Variants in PITPNM2 observed in about 807,000 individuals in gnomAD.
PITPNM2 encodes membrane-associated phosphatidylinositol transfer protein 2.
A neutral mutation model predicts 132.2 loss-of-function variants in PITPNM2; 35 were observed. The observed-to-expected ratio is 0.26, with a 90% confidence interval of 0.20 to 0.35. The LOEUF (loss-of-function observed/expected upper bound fraction) is 0.35. Among genes scored for constraint, PITPNM2 ranks in the 10% least tolerant of loss-of-function variants. The pLI is 1.00. For missense variants in PITPNM2, 1,332 were observed against 1,912.0 expected (o/e 0.70, Z 5.66); for synonymous variants, 738 against 799.2 (o/e 0.92, Z 1.29).
chr12:123,072,640 G>A (rs1346850015), intron 2 of PITPNM2, among the ~76,000 whole-genome samples: 2 of 152,214 alleles, frequency 1.3e-5, no homozygotes, highest in African/African-American at 4.8e-5. Flanking sequence ...TGGGACCCCA[G>A]ACTCTCAGAC....
intron 3 of PITPNM2, chr12:123,021,850 TG>T: frequency 6.2e-6 from 2 of 320,188 alleles, no homozygotes; most frequent in Non-Finnish European, 9.0e-6. Context: ...TCTCCCCATC[TG>T]TAAGAGGAGG....
At chr12:123,033,245 C>T in intron 3 of PITPNM2, among the ~76,000 whole-genome samples, 1 of 152,234 alleles carries the variant, frequency 6.6e-6, no homozygotes. Context: ...GGTTCATAAT[C>T]AGTGTGGGAA....
At chr12:123,144,869 T>C (rs1216464877) in intron 1 of PITPNM2, among the ~76,000 whole-genome samples, 1 of 152,214 alleles carries the variant, frequency 6.6e-6, no homozygotes, top group East Asian at 1.9e-4. Flanking sequence ...CCGATCTCTT[T>C]TAACAGAAAC....
intron 10 of PITPNM2, among the ~76,000 whole-genome samples, chr12:122,999,931 G>A (rs2038586399): frequency 6.6e-6 from 1 of 152,184 alleles, no homozygotes; most frequent in Non-Finnish European, 1.5e-5. Flanking sequence ...GCTGCAGGTG[G>A]GGAAAGGGAT....
chr12:123,001,007 CT>C, intron 9 of PITPNM2, 46 bp downstream of exon 9: 1 of 1,580,212 alleles, frequency 6.3e-7, no homozygotes, highest in Non-Finnish European at 8.7e-7. Context: ...GGCTGAAGCC[CT>C]GCAACCGCCC....
chr12:123,025,113 T>C (rs1284830347), intron 3 of PITPNM2, among the ~76,000 whole-genome samples: 1 of 152,172 alleles, frequency 6.6e-6, no homozygotes, highest in Non-Finnish European at 1.5e-5. Flanking sequence ...AACCTCATGT[T>C]TGAGGCAGTG....
chr12:123,021,667 G>A (rs1008522006), intron 3 of PITPNM2: 12 of 985,078 alleles, frequency 1.2e-5, no homozygotes, highest in Non-Finnish European at 1.2e-5. Flanking sequence ...GAGGATGTGG[G>A]GCATGGAGTT....
In PITPNM2 at chr12:122,994,382, C is replaced by T. The variant is rs541446940; in HGVS notation, c.2233+419G>A. ...CCTGCCTGCCCTGGGTAGACAGAGA[C>T]GCACAGCTGTGGCCCCTCCAGGGCT... On this transcript the variant is annotated intron_variant, in intron 15 of 25. Transcript: ENST00000320201. This position sits in a 1 kb window ranked among gnomAD's most constrained non-coding sequence, Gnocchi z 5.4. 2.9e-3 allele frequency among the ~76,000 whole-genome samples: 437 copies of T among 152,296 alleles called. 2 individuals are homozygous for T. The highest frequency in any genetic ancestry group is 1.0e-2 in the African/African-American group (415 of 41,554).
intron 3 of PITPNM2, among the ~76,000 whole-genome samples, chr12:123,027,710 G>A (rs769592943): frequency 5.3e-5 from 8 of 152,250 alleles, no homozygotes; most frequent in Non-Finnish European, 1.0e-4. Flanking sequence ...GGGACCCCCT[G>A]TATAGCACTT....
Position 123,098,326 on chromosome 12 carries a change from G to A in PITPNM2, c.-96+12059C>T, listed in dbSNP as rs1444312320. Among the ~76,000 whole-genome samples the A allele has an allele frequency of 3.3e-5, 5 of 152,252 alleles. No homozygotes were observed. In the East Asian group the frequency reaches 5.8e-4, roughly 18 times the overall value. On this transcript the variant is annotated intron_variant, in intron 2 of 25. Coordinates refer to ENST00000320201, the MANE Select transcript of PITPNM2 (RefSeq NM_020845.3). ...GCCAGATGTAAGTCAGGACCAGGACGGGGAGCTAGACATCTAGGCAGGATG... is the reference window on the plus strand; with the variant it reads ...GCCAGATGTAAGTCAGGACCAGGACAGGGAGCTAGACATCTAGGCAGGATG...
chr12:123,131,149 G>A (rs1299082695), intron 1 of PITPNM2, among the ~76,000 whole-genome samples: 2 of 152,176 alleles, frequency 1.3e-5, no homozygotes, highest in African/African-American at 4.8e-5. Context: ...AACTCAGAAT[G>A]TGACTTTACT....
chr12:123,092,964 TA>T (rs2042309937), intron 2 of PITPNM2: 1 of 152,224 alleles, frequency 6.6e-6, no homozygotes, highest in Admixed American at 6.5e-5. Flanking sequence ...AAGCACCCTT[TA>T]AAAATGCACT....
rs574570084 is a variant in PITPNM2 at position 123,131,518 on chromosome 12, T to C, written c.-200+19235A>G. Among the ~76,000 whole-genome samples the C allele has an allele frequency of 1.1e-4, 16 of 152,340 alleles. No homozygotes were observed. The East Asian group carries it at 2.3e-3, about 22-fold the overall frequency. On this transcript the variant is annotated intron_variant, in intron 1 of 25. Transcript: ENST00000320201. ...GCCATCCAGTTGTGGTGGGTTGTTATGGCAGCCCTAGGGAATTAACACAGA... is the reference window on the plus strand; with the variant it reads ...GCCATCCAGTTGTGGTGGGTTGTTACGGCAGCCCTAGGGAATTAACACAGA...
chr12:123,079,477 G>A (rs767811547), intron 2 of PITPNM2, among the ~76,000 whole-genome samples: 2 of 142,474 alleles, frequency 1.4e-5, no homozygotes, highest in Non-Finnish European at 3.0e-5. Flanking sequence ...AGCCCAAGTA[G>A]CTGGGATTAT....
At chr12:123,124,615 C>G (rs997359991) in intron 1 of PITPNM2, among the ~76,000 whole-genome samples, 3 of 152,064 alleles carry the variant, frequency 2.0e-5, no homozygotes, top group African/African-American at 7.2e-5. Flanking sequence ...GGTATATGCA[C>G]AACGTGCAGG....
At position 123,034,341 on chromosome 12, in the gene PITPNM2, C is replaced by T. The variant is rs2040199333; in HGVS notation, c.78+172G>A. On this transcript the variant is annotated intron_variant, in intron 3 of 25. Transcript: ENST00000320201. ...CCGTGCGCCCATGGTGTGCTCTGTG[C>T]GCCTGGCATCGTGCCTAGAGGCCAG... 32 of 613,794 alleles carry T rather than the reference C, an allele frequency of 5.2e-5. 1 individual carries two copies. In the East Asian group the frequency reaches 7.5e-4, roughly 14 times the overall value. 38.0% of individuals were successfully genotyped at this position (613,794 alleles called of 1,614,324 possible). A position where few individuals can be genotyped will look rare whatever the true frequency, so the allele number is the denominator to read the frequency against.
chr12:123,037,950 C>T (rs1450784327), intron 2 of PITPNM2, among the ~76,000 whole-genome samples: 2 of 152,088 alleles, frequency 1.3e-5, no homozygotes, highest in African/African-American at 4.8e-5. Flanking sequence ...GTGCTGTCCA[C>T]AGCTCCGCTG....
At chr12:123,059,849 G>C (rs1400892224) in intron 2 of PITPNM2, among the ~76,000 whole-genome samples, 1 of 152,122 alleles carries the variant, frequency 6.6e-6, no homozygotes, top group East Asian at 1.9e-4. Context: ...AAAAGGGACA[G>C]GGGTTCCTTT....
intron 1 of PITPNM2, among the ~76,000 whole-genome samples, chr12:123,133,805 CACACACACAG>C (rs1373735963): frequency 3.1e-4 from 29 of 94,798 alleles, no homozygotes; most frequent in Non-Finnish European, 6.6e-4. Flanking sequence ...CACACACACA[CACACACACAG>C]ACACACACAC....
Sources: allele counts gnomAD v4.1 joint callset (sites outside exome capture counted in the v4.1 genomes callset), GRCh38; gene constraint gnomAD v4.1.1; non-coding constraint Gnocchi (gnomAD v3.1); transcripts MANE v1.5; gene names NCBI Gene and HGNC (gene_info 2026-07-23, HGNC 2026-07-21).